The following OPHN1 variants were observed in gnomAD, a reference collection of about 807,000 sequenced individuals.
The protein encoded by OPHN1 is oligophrenin 1, also known as oligophrenin-1.
In OPHN1, 11 loss-of-function variants were observed where a neutral mutation model predicts 60.7. The observed-to-expected ratio is 0.18, with a 90% CI of 0.11 to 0.30. The LOEUF is 0.30. Ranked by LOEUF, OPHN1 falls within the 10% of genes least tolerant of loss-of-function variation. The probability of loss-of-function intolerance (pLI) is 1.00; values close to 1 mark genes in which losing one functional copy is unlikely to be tolerated. For missense variants in OPHN1, 449 were observed against 611.0 expected (o/e 0.73, Z 2.80); for synonymous variants, 226 against 222.6 (o/e 1.02, Z -0.14).
chrX:68,068,276 T>G (rs1407533315), intron 20 of OPHN1, among the ~76,000 whole-genome samples: 2 of 109,040 alleles, frequency 1.8e-5, no homozygotes, highest in African/African-American at 6.7e-5. Context: ...TTGAGACCAG[T>G]CTGGCCAACA....
At chrX:68,371,814 G>A (rs1050943713) in intron 2 of OPHN1, among the ~76,000 whole-genome samples, 4 of 112,228 alleles carry the variant, frequency 3.6e-5, no homozygotes, top group South Asian at 3.7e-4. Context: ...GCGCGATCTC[G>A]GCTCACTGCA....
intron 5 of OPHN1, among the ~76,000 whole-genome samples, chrX:68,264,299 T>G (rs1361445840): frequency 9.0e-6 from 1 of 111,585 alleles, no homozygotes. Flanking sequence ...CAAAAGGACC[T>G]ATCATCAGAG....
intron 2 of OPHN1, among the ~76,000 whole-genome samples, chrX:68,360,011 G>A (rs765986915): frequency 9.0e-6 from 1 of 110,756 alleles, no homozygotes; most frequent in Non-Finnish European, 1.9e-5. Flanking sequence ...TTGTAAAATG[G>A]TCATCCTAAC....
At chrX:68,399,427 G>A (rs1163978862) in intron 2 of OPHN1, among the ~76,000 whole-genome samples, 1 of 111,901 alleles carries the variant, frequency 8.9e-6, no homozygotes, top group East Asian at 2.8e-4. Context: ...GAGGTGGGCG[G>A]ATCACTTGAG....
intron 2 of OPHN1, among the ~76,000 whole-genome samples, chrX:68,355,434 T>A (rs757399873): frequency 8.9e-6 from 1 of 112,009 alleles, no homozygotes; most frequent in South Asian, 3.7e-4. Flanking sequence ...GTAGTTAATC[T>A]CTCTCTCTCC....
chrX:68,159,472 G>A (rs142839322), intron 15 of OPHN1, among the ~76,000 whole-genome samples: 3 of 111,498 alleles, frequency 2.7e-5, no homozygotes, highest in African/African-American at 9.8e-5. Context: ...ATAACAGCTG[G>A]GTATGATACC....
At chrX:68,167,552 T>C (rs918502098) in intron 15 of OPHN1, among the ~76,000 whole-genome samples, 1 of 110,489 alleles carries the variant, frequency 9.1e-6, no homozygotes, top group African/African-American at 3.3e-5. Context: ...TATATGTATG[T>C]ACAGGTATAT....
chrX:68,071,650 T>A (rs1984579061), intron 20 of OPHN1: 8 of 552,112 alleles, frequency 1.4e-5, no homozygotes, highest in Non-Finnish European at 2.7e-5. Flanking sequence ...GTAGCCTTAA[T>A]CCTCTGGTTG....
At chrX:68,376,037 A>T (rs2078555116) in intron 2 of OPHN1, among the ~76,000 whole-genome samples, 1 of 111,682 alleles carries the variant, frequency 9.0e-6, no homozygotes, top group African/African-American at 3.3e-5. Context: ...GTGGTTTATG[A>T]TTCAGTTCAT....
chrX:68,163,458 G>GTGTGTA (rs1491158810), intron 15 of OPHN1, among the ~76,000 whole-genome samples: 1 of 80,821 alleles, frequency 1.2e-5, no homozygotes, highest in African/African-American at 5.0e-5. Flanking sequence ...GTGTGTGTGT[G>GTGTGTA]TATATATACC....
intron 2 of OPHN1, among the ~76,000 whole-genome samples, chrX:68,408,727 C>T (rs1046257383): frequency 2.2e-4 from 25 of 112,774 alleles, no homozygotes; most frequent in African/African-American, 7.4e-4. Flanking sequence ...TTCGGGAGGC[C>T]GAGGTGGGCA....
chrX:68,310,758 C>T (rs2078169107), intron 2 of OPHN1, among the ~76,000 whole-genome samples: 1 of 111,871 alleles, frequency 8.9e-6, no homozygotes, highest in Non-Finnish European at 1.9e-5. Context: ...TCAACAACAA[C>T]ACTGCCAAAA....
intron 2 of OPHN1, among the ~76,000 whole-genome samples, chrX:68,321,622 G>T (rs2078235761): frequency 8.9e-6 from 1 of 111,904 alleles, no homozygotes; most frequent in Admixed American, 9.5e-5. Flanking sequence ...GGACTCAAAG[G>T]CATAAGAATG....
intron 2 of OPHN1, among the ~76,000 whole-genome samples, chrX:68,386,673 T>G (rs752853007): frequency 5.3e-4 from 60 of 112,240 alleles, no homozygotes; most frequent in African/African-American, 1.8e-3. Flanking sequence ...TCATCTTTAC[T>G]GTTTAGCAGT....
rs778100215 is a variant in OPHN1 at position 68,385,758 on chromosome X, G to A, written c.154+47109C>T. 8.9e-5 allele frequency among the ~76,000 whole-genome samples: 10 copies of A among 112,074 alleles called. No individual in the cohort carries two copies. In the East Asian group the frequency reaches 2.8e-3, roughly 32 times the overall value. Reference sequence around the variant, plus strand: ...GGAACTTTATTAACTATAACCAGATGTTTCTTAACAACCATTTGCTTAAAA... The same window carrying A: ...GGAACTTTATTAACTATAACCAGATATTTCTTAACAACCATTTGCTTAAAA... On this transcript the variant is annotated intron_variant, in intron 2 of 24. Transcript: ENST00000355520.
intron 19 of OPHN1, among the ~76,000 whole-genome samples, chrX:68,092,396 A>C (rs1041436076): frequency 8.9e-6 from 1 of 112,118 alleles, no homozygotes; most frequent in African/African-American, 3.2e-5. Flanking sequence ...GCTATTTTTC[A>C]AAAAAGGTAA....
At chrX:68,117,027 T>C (rs909645719) in intron 16 of OPHN1, among the ~76,000 whole-genome samples, 40 of 111,785 alleles carry the variant, frequency 3.6e-4, no homozygotes, top group African/African-American at 1.2e-3. Context: ...TATTTCAAAA[T>C]ACAAATCTCA....
chrX:68,204,096 T>C (rs1362899921), intron 10 of OPHN1, among the ~76,000 whole-genome samples: 1 of 112,578 alleles, frequency 8.9e-6, no homozygotes, highest in Admixed American at 9.4e-5. Context: ...AAACTAAGAC[T>C]GAGTAACATT....
At position 68,351,746 on chromosome X, in the gene OPHN1, G is replaced by T. The variant is rs190088076; in HGVS notation, c.155-52650C>A. Among the ~76,000 whole-genome samples the T allele has an allele frequency of 4.5e-5, 5 of 111,529 alleles. No homozygotes were observed. In the East Asian group the frequency reaches 1.4e-3, roughly 32 times the overall value. On this transcript the variant is annotated intron_variant, in intron 2 of 24. Transcript: ENST00000355520. The stretch of plus-strand genomic sequence containing the variant: ...GAGTCTTGCTCTGTCGCCCAGGCGG[G>T]AGTGCAGTGCCGCGATCTCGGCTCA...
Sources: allele counts gnomAD v4.1 joint callset (sites outside exome capture counted in the v4.1 genomes callset), GRCh38; gene constraint gnomAD v4.1.1; transcripts MANE v1.5; gene names NCBI Gene and HGNC (gene_info 2026-07-23, HGNC 2026-07-21).